The following TULP3 variants were observed in gnomAD, a reference collection of about 807,000 sequenced individuals.
TULP3 encodes TUB like protein 3.
A neutral mutation model predicts 50.7 loss-of-function variants in TULP3; 38 were observed. That is an observed-to-expected ratio of 0.75 (90% CI 0.58 to 0.98). TULP3 has a LOEUF of 0.98. Ranked by LOEUF, TULP3 falls within the 50% of genes least tolerant of loss-of-function variation. TULP3 has a pLI of 0.00. For missense variants in TULP3, 550 were observed against 568.0 expected, an observed-to-expected ratio of 0.97 and a Z score of 0.32; for synonymous variants, 183 against 196.6, an observed-to-expected ratio of 0.93 and a Z score of 0.58.
At position 2,938,151 on chromosome 12, in the gene TULP3, C is replaced by A; in HGVS notation, c.1061C>A (p.Thr354Asn). 6.2e-7 allele frequency: 1 copy of A among 1,614,194 alleles called. No homozygotes were observed. Among genetic ancestry groups the A allele is most frequent in the East Asian group, 2.2e-5 (1 of 44,874 alleles). ...DSLLSRWQNR[T>N]MENLVELHNK... ...TTGCTCTCAAGGTGGCAGAACAGAACTATGGAAAATCTGGTTGAGCTGCAC... is the reference window on the plus strand; with the variant it reads ...TTGCTCTCAAGGTGGCAGAACAGAAATATGGAAAATCTGGTTGAGCTGCAC... Residue 354 changes from threonine (T) to asparagine (N), a missense_variant, in exon 10 of 11, where the codon ACT becomes AAT. Coordinates refer to ENST00000448120, the MANE Select transcript of TULP3 (RefSeq NM_003324.5).
In TULP3 at chr12:2,934,527, C is replaced by G; in HGVS notation, c.890C>G (p.Ala297Gly). 1 of 1,598,962 alleles carries G rather than the reference C, an allele frequency of 6.3e-7. No individual in the cohort carries two copies. The highest frequency in any genetic ancestry group is 1.1e-5 in the South Asian group (1 of 88,664). The change falls in exon 8 of 11, where the codon GCC becomes GGC. Residue 297 changes from alanine to glycine, a missense_variant. Physicochemically the swap from Ala to Gly is moderately conservative, Grantham distance 60. Coordinates refer to ENST00000448120, the MANE Select transcript of TULP3 (RefSeq NM_003324.5). ...AAGGGCCGGGGTTTGGTAGGAGCGG[C>G]CCACACCCGGCAGGAGCTGGCTGCC... is the stretch of plus-strand genomic sequence containing the variant. ...PMKGRGLVGA[A>G]HTRQELAAIS...
chr12:2,893,899 C>T (rs2098173804), intron 1 of TULP3, among the ~76,000 whole-genome samples: 1 of 152,100 alleles, frequency 6.6e-6, no homozygotes, highest in Non-Finnish European at 1.5e-5. Flanking sequence ...CTGCCTCAGC[C>T]TCCCAAAGTG....
At chr12:2,935,681 T>C (rs374450082) in intron 8 of TULP3, among the ~76,000 whole-genome samples, 94 of 152,282 alleles carry the variant, frequency 6.2e-4, no homozygotes, top group African/African-American at 2.2e-3. Context: ...ATATATAATC[T>C]GCTTGGCTTG....
At position 2,940,080 on chromosome 12, in the gene TULP3, A is replaced by G. The variant is rs2098203807; in HGVS notation, c.*636A>G. 1.6e-6 allele frequency: 2 copies of G among 1,289,374 alleles called. No homozygotes were observed. Among genetic ancestry groups the G allele is most frequent in the Non-Finnish European group, 2.0e-6 (2 of 988,946 alleles). 79.9% of individuals were successfully genotyped at this position (1,289,374 alleles called of 1,614,324 possible). On this transcript the variant is annotated 3_prime_UTR_variant, in exon 11 of 11. Transcript: ENST00000448120. Reference sequence around the variant, plus strand: ...GCTGTGATCACATTTGTGATCAATTATGTGAGAATTTTATATAATTGTCTT... The same window carrying G: ...GCTGTGATCACATTTGTGATCAATTGTGTGAGAATTTTATATAATTGTCTT...
At chr12:2,902,713 A>G (rs1034726970) in intron 1 of TULP3, among the ~76,000 whole-genome samples, 9 of 152,206 alleles carry the variant, frequency 5.9e-5, no homozygotes, top group Non-Finnish European at 1.2e-4. Context: ...TGGGTATAGC[A>G]CTAGACTAGC....
intron 1 of TULP3, among the ~76,000 whole-genome samples, 183 bp downstream of exon 1, chr12:2,891,171 T>A (rs377027892): frequency 6.6e-6 from 1 of 152,228 alleles, no homozygotes. Context: ...GGGACCCCTT[T>A]CTCAAGTGGA....
chr12:2,934,609 C>T, intron 8 of TULP3, 48 bp downstream of exon 8: 1 of 1,330,892 alleles, frequency 7.5e-7, no homozygotes, highest in Non-Finnish European at 1.0e-6. Flanking sequence ...TGGTGTCCTG[C>T]TGGCACTTTT....
intron 9 of TULP3, 32 bp downstream of exon 9, chr12:2,937,761 A>G (rs2098202274): frequency 6.6e-7 from 1 of 1,516,398 alleles, no homozygotes; most frequent in African/African-American, 1.4e-5. Flanking sequence ...TCAGTGAAAG[A>G]CTCTAAAAGA....
chr12:2,905,094 A>AAAG (rs2098181408), intron 1 of TULP3, among the ~76,000 whole-genome samples: 1 of 151,342 alleles, frequency 6.6e-6, no homozygotes, highest in East Asian at 1.9e-4. Flanking sequence ...CAAAAAAAAA[A>AAAG]GAATATTAAA....
chr12:2,937,643 C>T lies in TULP3; in HGVS notation c.937C>T (p.Leu313Phe), dbSNP rs769148627. The T allele has an allele frequency of 8.7e-6, 14 of 1,611,416 alleles. No homozygotes were observed. Among genetic ancestry groups the T allele is most frequent in the Non-Finnish European group, 1.2e-5 (14 of 1,178,764 alleles). ...LAAISYETNV[L>F]GFKGPRKMSV... ...TCCTATCTTCCAGGAAACAAACGTA[C>T]TTGGATTTAAAGGTCCTAGGAAAAT... is the stretch of plus-strand genomic sequence containing the variant. The change falls in exon 9 of 11, where the codon CTT becomes TTT. Residue 313 changes from leucine to phenylalanine, a missense_variant. Physicochemically the swap from Leu to Phe is conservative, Grantham distance 22. Transcript: ENST00000448120.
At chr12:2,909,920 G>A (rs184910272) in intron 2 of TULP3, among the ~76,000 whole-genome samples, 2 of 152,294 alleles carry the variant, frequency 1.3e-5, no homozygotes, top group East Asian at 1.9e-4. Flanking sequence ...ACCTCTCTAC[G>A]ATGTCATTTC....
intron 2 of TULP3, among the ~76,000 whole-genome samples, chr12:2,914,125 CT>C (rs71057862): frequency 9.2e-4 from 120 of 130,626 alleles, no homozygotes; most frequent in Middle Eastern, 4.3e-3. Flanking sequence ...ATAAATAATT[CT>C]TTTTTTTTTT....
rs115288066 is a variant in TULP3, at chr12:2,938,285, C to G, written c.1195C>G (p.Pro399Ala). 2.5e-6 allele frequency: 4 copies of G among 1,613,394 alleles called. No individual in the cohort carries two copies. In the African/African-American group the frequency reaches 4.0e-5, roughly 16 times the overall value. Residue 399 changes from proline to alanine, a missense_variant and splice_region_variant, in exon 10 of 11, where the codon CCT becomes GCT. Transcript: ENST00000448120. Reference sequence around the variant, plus strand: ...CTTCCAGATAGTCCACAAAAATGACCGTAAGCCTCCAGGAGGGGTTGGGTG... The same window carrying G: ...CTTCCAGATAGTCCACAAAAATGACGGTAAGCCTCCAGGAGGGGTTGGGTG... ...KNFQIVHKNDPDYIVMQFGRV... is the reference protein window; with the variant it reads ...KNFQIVHKNDADYIVMQFGRV...
At chr12:2,906,553 T>A (rs1410867695) in intron 1 of TULP3, among the ~76,000 whole-genome samples, 1 of 150,844 alleles carries the variant, frequency 6.6e-6, no homozygotes, top group African/African-American at 2.4e-5. Context: ...GGTCTCGAAC[T>A]TCTGGGCTCA....
At chr12:2,909,005 A>T (rs1299061142) in intron 1 of TULP3, among the ~76,000 whole-genome samples, 1 of 152,136 alleles carries the variant, frequency 6.6e-6, no homozygotes, top group Non-Finnish European at 1.5e-5. Flanking sequence ...CTTAGAACTA[A>T]CTCCAAAAAA....
At position 2,922,400 on chromosome 12, in the gene TULP3, A is replaced by G. The variant is rs200658695; in HGVS notation, c.392A>G (p.His131Arg). Residue 131 changes from histidine to arginine, a missense_variant and splice_region_variant, in exon 4 of 11, where the codon CAT (histidine) becomes CGT (arginine). Coordinates refer to ENST00000448120, the MANE Select transcript of TULP3 (RefSeq NM_003324.5). The stretch of plus-strand genomic sequence containing the variant: ...GGACTTCAGGAGCGTCTCCAAAAGC[A>G]TGGTGAGGACTGGTAATGATTTTAA... The part of the protein sequence containing the change: ...KPGLQERLQK[H>R]DISESVNFDE... 1 of 1,612,040 alleles carries G rather than the reference A, an allele frequency of 6.2e-7. No individual in the cohort carries two copies. The highest frequency in any genetic ancestry group is 1.3e-5 in the African/African-American group (1 of 74,930).
At position 2,922,281 on chromosome 12, in the gene TULP3, T is replaced by A; in HGVS notation, c.273T>A (p.Ala91=). ...CCTTAGGTATTGATGGTCCAGCTGC[T>A]GTCCTGAAACCAGACGAAGTTCATG... The part of the protein sequence containing the change: ...VILHGIDGPA[A]VLKPDEVHAP... The change falls in exon 4 of 11, where the codon GCT becomes GCA. Residue 91 remains alanine (A), a synonymous_variant. Transcript: ENST00000448120. 3 of 1,613,466 alleles carry A rather than the reference T, an allele frequency of 1.9e-6. No individual in the cohort carries two copies. The highest frequency in any genetic ancestry group is 2.2e-5 in the South Asian group (2 of 90,866).
At chr12:2,901,688 T>G (rs1253373619) in intron 1 of TULP3, among the ~76,000 whole-genome samples, 1 of 152,098 alleles carries the variant, frequency 6.6e-6, no homozygotes, top group Admixed American at 6.6e-5. Context: ...TGGCTCCAAT[T>G]TTTAGTTAGG....
At chr12:2,926,773 G>C (rs919639235) in intron 4 of TULP3, among the ~76,000 whole-genome samples, 1 of 152,182 alleles carries the variant, frequency 6.6e-6, no homozygotes, top group South Asian at 2.1e-4. Flanking sequence ...GTGTGGTGGT[G>C]GTGGGCAGCT....
Sources: gnomAD v4.1 joint callset for allele counts (sites outside exome capture counted in the v4.1 genomes callset) on GRCh38, gnomAD v4.1.1 for gene constraint, MANE v1.5 for transcripts, NCBI Gene and HGNC (gene_info 2026-07-23, HGNC 2026-07-21) for gene names.